The following BCL2 variants were observed in gnomAD, a reference collection of about 807,000 sequenced individuals.
BCL2 encodes the protein BCL2 apoptosis regulator, also known as apoptosis regulator Bcl-2.
In BCL2, 1 loss-of-function variant was observed where a neutral mutation model predicts 14.2. That is an observed-to-expected ratio of 0.07 (90% CI 0.02 to 0.33). The LOEUF (loss-of-function observed/expected upper bound fraction) is 0.33, where lower values mean the gene tolerates loss of function less well. Among genes scored for constraint, BCL2 ranks in the 10% least tolerant of loss-of-function variants. BCL2 has a pLI of 0.99. For synonymous variants in BCL2, 151 were observed against 137.2 expected (o/e 1.10, Z -0.70); for missense variants, 247 against 305.9 (o/e 0.81, Z 1.44).
chr18:63,220,610 T>C (rs1314000331), intron 2 of BCL2, among the ~76,000 whole-genome samples: 3 of 151,806 alleles, frequency 2.0e-5, no homozygotes, highest in Non-Finnish European at 4.4e-5. Flanking sequence ...CCATGGTTTC[T>C]GCAAGCTAGC....
At chr18:63,253,617 T>C (rs1911380279) in intron 2 of BCL2, among the ~76,000 whole-genome samples, 1 of 152,196 alleles carries the variant, frequency 6.6e-6, no homozygotes, top group African/African-American at 2.4e-5. Flanking sequence ...CTATTTGAGA[T>C]GGCCGTTGGA....
At position 63,212,260 on chromosome 18, in the gene BCL2, A is replaced by G. The variant is rs1009564009; in HGVS notation, c.586-83501T>C. On this transcript the variant is annotated intron_variant, in intron 2 of 2. Transcript: ENST00000333681. Reference sequence around the variant, plus strand: ...ACAGAATTGCTTGAACCCAGGAGGCAGAGGTTGCAGTGAGCCAAGAGCATG... The same window carrying G: ...ACAGAATTGCTTGAACCCAGGAGGCGGAGGTTGCAGTGAGCCAAGAGCATG... Among the ~76,000 whole-genome samples the G allele has an allele frequency of 6.6e-5, 10 of 151,634 alleles. 1 individual carries two copies. Among genetic ancestry groups the G allele is most frequent in the East Asian group, 1.9e-4 (1 of 5,160 alleles).
chr18:63,186,164 A>G (rs1915589363), intron 2 of BCL2, among the ~76,000 whole-genome samples: 1 of 152,206 alleles, frequency 6.6e-6, no homozygotes. Context: ...TCAAGTGCTA[A>G]AATAGCACTT....
At chr18:63,236,838 C>T (rs58258973) in intron 2 of BCL2, among the ~76,000 whole-genome samples, 6,388 of 152,214 alleles carry the variant, frequency 0.042, 225 homozygotes, top group African/African-American at 0.098. Context: ...AGATCTTGTC[C>T]GGGACAGGTC....
At chr18:63,275,534 C>T (rs1469954097) in intron 2 of BCL2, among the ~76,000 whole-genome samples, 1 of 152,194 alleles carries the variant, frequency 6.6e-6, no homozygotes, top group African/African-American at 2.4e-5. Flanking sequence ...TTTTCTTGAG[C>T]ACATTTTGAG....
chr18:63,194,484 G>A (rs1327474722), intron 2 of BCL2, among the ~76,000 whole-genome samples: 3 of 151,822 alleles, frequency 2.0e-5, no homozygotes, highest in Non-Finnish European at 4.4e-5. Context: ...ACAGGCGTGC[G>A]CTACCACGCC....
In BCL2 at chr18:63,129,178, A is replaced by G. The variant is rs569168017; in HGVS notation, c.586-419T>C. On this transcript the variant is annotated intron_variant, in intron 2 of 2. Coordinates refer to ENST00000333681, the MANE Select transcript of BCL2 (RefSeq NM_000633.3). Reference sequence around the variant, plus strand: ...AATTTTAGCTAGCATGCCCATCCATAAAAGTAATAAAATCTAGCAATGATG... The same window carrying G: ...AATTTTAGCTAGCATGCCCATCCATGAAAGTAATAAAATCTAGCAATGATG... Among the ~76,000 whole-genome samples the G allele has an allele frequency of 8.5e-5, 13 of 152,358 alleles. No homozygotes were observed. The East Asian group carries it at 1.9e-3, about 23-fold the overall frequency.
At chr18:63,229,637 C>T (rs1417277844) in intron 2 of BCL2, among the ~76,000 whole-genome samples, 1 of 152,210 alleles carries the variant, frequency 6.6e-6, no homozygotes, top group South Asian at 2.1e-4. Flanking sequence ...CCCATTTCAC[C>T]TTCTGCTACG....
At chr18:63,252,217 A>G (rs1379228489) in intron 2 of BCL2, among the ~76,000 whole-genome samples, 1 of 152,198 alleles carries the variant, frequency 6.6e-6, no homozygotes, top group Non-Finnish European at 1.5e-5. Flanking sequence ...TGAAGTAAAT[A>G]TTTACAAGGA....
intron 2 of BCL2, among the ~76,000 whole-genome samples, chr18:63,163,163 T>G (rs1914965303): frequency 6.6e-6 from 1 of 152,148 alleles, no homozygotes; most frequent in South Asian, 2.1e-4. Context: ...CTTACCACTG[T>G]CTGTATCTTT....
intron 2 of BCL2, among the ~76,000 whole-genome samples, chr18:63,200,819 C>T (rs1275728647): frequency 6.6e-6 from 1 of 152,012 alleles, no homozygotes; most frequent in Non-Finnish European, 1.5e-5. Flanking sequence ...GATGGGGTCT[C>T]GCTAGGTTGC....
intron 2 of BCL2, among the ~76,000 whole-genome samples, chr18:63,228,712 ATTT>A (rs35558540): frequency 3.9e-4 from 58 of 147,692 alleles, no homozygotes; most frequent in African/African-American, 1.2e-3. Context: ...GCCAAAAGCA[ATTT>A]TTTTTTTTTT....
rs186637553 is a variant in BCL2, at chr18:63,214,886, T to G, written c.586-86127A>C. ...CCACCATGCCCAGCTAATTTTTGTA[T>G]TTTTAGTAAATGGGGTTTCACCATG... On this transcript the variant is annotated intron_variant, in intron 2 of 2. Coordinates refer to ENST00000333681, the MANE Select transcript of BCL2 (RefSeq NM_000633.3). Among the ~76,000 whole-genome samples the G allele has an allele frequency of 4.5e-3, 689 of 152,168 alleles. 4 individuals are homozygous for G. The highest frequency in any genetic ancestry group is 6.6e-3 in the Non-Finnish European group (446 of 68,000).
chr18:63,255,749 C>A, intron 2 of BCL2, among the ~76,000 whole-genome samples: 1 of 151,774 alleles, frequency 6.6e-6, no homozygotes, highest in East Asian at 1.9e-4. Flanking sequence ...AGGACCTCAT[C>A]GATGTTTTAA....
At chr18:63,235,152 T>A (rs60094934) in intron 2 of BCL2, among the ~76,000 whole-genome samples, 1,853 of 151,848 alleles carry the variant, frequency 0.012, 36 homozygotes, top group African/African-American at 0.042. Context: ...AGGAAAAAAA[T>A]TTTTAAATAT....
At position 63,128,546 on chromosome 18, in the gene BCL2, G is replaced by A; in HGVS notation, c.*79C>T. Reference sequence around the variant, plus strand: ...AAACAGCCTGCAGCTTTGTTTCATGGTACATCACTGACAATGCATATTATT... The same window carrying A: ...AAACAGCCTGCAGCTTTGTTTCATGATACATCACTGACAATGCATATTATT... On this transcript the variant is annotated 3_prime_UTR_variant, in exon 3 of 3. Transcript: ENST00000333681. The A allele has an allele frequency of 2.7e-6, 2 of 741,186 alleles. No individual in the cohort carries two copies. The highest frequency in any genetic ancestry group is 3.0e-5 in the South Asian group (2 of 67,744). The allele number at this position is 741,186 out of a possible 1,614,324, so 45.9% of individuals were successfully genotyped here.
intron 2 of BCL2, among the ~76,000 whole-genome samples, chr18:63,145,174 T>G (rs977844098): frequency 6.6e-6 from 1 of 152,226 alleles, no homozygotes; most frequent in Non-Finnish European, 1.5e-5. Context: ...ATTTAGAATA[T>G]TAAAATATGT....
At chr18:63,140,816 T>C (rs1296068262) in intron 2 of BCL2, among the ~76,000 whole-genome samples, 1 of 152,160 alleles carries the variant, frequency 6.6e-6, no homozygotes, top group African/African-American at 2.4e-5. Context: ...TATATCCCAA[T>C]AAAAGAGCTT....
In BCL2 at chr18:63,169,248, T is replaced by TTTTCTTTCTTTCTTTCTTTC. The variant is rs145779306; in HGVS notation, c.586-40509_586-40490dup. 1.3e-3 allele frequency among the ~76,000 whole-genome samples: 138 copies of TTTTCTTTCTTTCTTTCTTTC among 108,262 alleles called. 4 individuals carry two copies. The highest frequency in any genetic ancestry group is 2.6e-3 in the Admixed American group (27 of 10,230). The allele number at this position is 108,262 out of a possible 152,430, so 71.0% of individuals were successfully genotyped here. On this transcript the variant is annotated intron_variant, in intron 2 of 2. Transcript: ENST00000333681. ...ACAGAATAGTTTTTCCCCTTCGTGT[T>TTTTCTTTCTTTCTTTCTTTC]TTTCTTTCTTTCTTTCTTTCTTTCT...
Sources: allele counts gnomAD v4.1 joint callset (sites outside exome capture counted in the v4.1 genomes callset), GRCh38; gene constraint gnomAD v4.1.1; transcripts MANE v1.5; gene names NCBI Gene and HGNC (gene_info 2026-07-23, HGNC 2026-07-21).